IRF8: variants seen among roughly 807,000 people sequenced by gnomAD.
IRF8 encodes the protein interferon consensus sequence binding protein 1.
In IRF8, 14 loss-of-function variants were observed where a neutral mutation model predicts 48.7. That is an observed-to-expected ratio of 0.29 (90% confidence interval 0.19 to 0.45). The LOEUF (loss-of-function observed/expected upper bound fraction) is 0.45, where lower values mean the gene tolerates loss of function less well. IRF8 is among the 20% of genes least tolerant of loss of function. The probability of loss-of-function intolerance (pLI) is 1.00; values close to 1 mark genes in which losing one functional copy is unlikely to be tolerated. For missense variants in IRF8, 493 were observed against 580.7 expected (o/e 0.85, Z 1.55); for synonymous variants, 278 against 227.3 (o/e 1.22, Z -2.01).
chr16:85,920,035 C>T (rs1905486087), intron 7 of IRF8, 74 bp from the exon 8 acceptor site: 1 of 1,090,288 alleles, frequency 9.2e-7, no homozygotes, highest in East Asian at 2.5e-5. Context: ...TCCTGATCCC[C>T]CAGCCCTGCT....
chr16:85,913,437 C>A, intron 5 of IRF8: 1 of 602,834 alleles, frequency 1.7e-6, no homozygotes, highest in Non-Finnish European at 3.0e-6. Context: ...TGGCCCTGCT[C>A]TCCGCTGCTT....
intron 2 of IRF8, 109 bp downstream of exon 2, chr16:85,903,298 G>A (rs1002215216): frequency 8.0e-6 from 9 of 1,123,852 alleles, no homozygotes; most frequent in African/African-American, 3.1e-5. Flanking sequence ...AATTAATCCA[G>A]TTTTTTAAAA....
At position 85,914,491 on chromosome 16, in the gene IRF8, G is replaced by C; in HGVS notation, c.572G>C (p.Gly191Ala). ...QPSTGVPLVTGYTTYDAHHSA... is the reference protein window; with the variant it reads ...QPSTGVPLVTAYTTYDAHHSA... The stretch of plus-strand genomic sequence containing the variant: ...CCTGCAGGCGTGCCGCTGGTGACGG[G>C]GTACACCACCTACGACGCGCACCAT... Residue 191 changes from glycine to alanine, a missense_variant, in exon 6 of 9, where the codon GGG becomes GCG. Transcript: ENST00000268638. 6.2e-7 allele frequency: 1 copy of C among 1,614,130 alleles called. No individual in the cohort carries two copies. Among genetic ancestry groups the C allele is most frequent in the Non-Finnish European group, 8.5e-7 (1 of 1,180,016 alleles).
chr16:85,911,912 G>A (rs545618635), intron 4 of IRF8, among the ~76,000 whole-genome samples: 3 of 152,352 alleles, frequency 2.0e-5, no homozygotes, highest in African/African-American at 4.8e-5. Flanking sequence ...CTGAGCTGCC[G>A]GTTATGTGTC....
chr16:85,907,920 G>C (rs1905050661), intron 2 of IRF8, among the ~76,000 whole-genome samples: 1 of 152,192 alleles, frequency 6.6e-6, no homozygotes, highest in East Asian at 1.9e-4. Flanking sequence ...GTGGCCTTGG[G>C]AAAGTTACTT....
At chr16:85,902,803 C>T (rs1205220380) in intron 1 of IRF8, 5 of 471,872 alleles carry the variant, frequency 1.1e-5, no homozygotes, top group East Asian at 4.4e-5. Context: ...AGGTTTCCCA[C>T]GGAGCTTTCA....
Position 85,909,189 on chromosome 16 carries a change from G to C in IRF8, c.358+16G>C, listed in dbSNP as rs1253190595. 2.5e-6 allele frequency: 4 copies of C among 1,612,522 alleles called. No homozygotes were observed. Among genetic ancestry groups the C allele is most frequent in the Non-Finnish European group, 3.4e-6 (4 of 1,178,798 alleles). On this transcript the variant is annotated intron_variant, in intron 3 of 8. Coordinates refer to ENST00000268638, the MANE Select transcript of IRF8 (RefSeq NM_002163.4). ...GAGCAAAAATGTAACTATCCTTTAT[G>C]GGCATGAAACCTTCCAGAAGCTGCC...
chr16:85,911,911 C>T (rs1209206008), intron 4 of IRF8, among the ~76,000 whole-genome samples: 2 of 152,218 alleles, frequency 1.3e-5, no homozygotes, highest in Non-Finnish European at 2.9e-5. Flanking sequence ...CCTGAGCTGC[C>T]GGTTATGTGT....
chr16:85,915,307 A>T (rs1905268141), intron 6 of IRF8, among the ~76,000 whole-genome samples: 1 of 152,180 alleles, frequency 6.6e-6, no homozygotes, highest in African/African-American at 2.4e-5. Context: ...GTTCTGTGGG[A>T]GGCGAGCAGC....
chr16:85,902,626 A>C, intron 1 of IRF8: 1 of 303,368 alleles, frequency 3.3e-6, no homozygotes. Flanking sequence ...CTGCTCAGTG[A>C]AGGAACCTGG....
At chr16:85,903,414 G>A in intron 2 of IRF8, 1 of 557,946 alleles carries the variant, frequency 1.8e-6, no homozygotes, top group South Asian at 2.1e-5. Context: ...GTATTCTGAT[G>A]AGGAGATCGA....
Position 85,914,279 on chromosome 16 carries a change from T to C in IRF8, c.554-194T>C, listed in dbSNP as rs529028791. On this transcript the variant is annotated intron_variant, in intron 5 of 8. Transcript: ENST00000268638. Reference sequence around the variant, plus strand: ...TCCCCCCGACTTGCCACTCTGGTTTTCTGCATTTGTGAAACAATGGCTCTC... The same window carrying C: ...TCCCCCCGACTTGCCACTCTGGTTTCCTGCATTTGTGAAACAATGGCTCTC... The C allele has an allele frequency of 7.2e-4, 467 of 651,012 alleles. 3 individuals carry two copies. In the African/African-American group the frequency reaches 7.7e-3, roughly 11 times the overall value. The allele number at this position is 651,012 out of a possible 1,614,324, so 40.3% of individuals were successfully genotyped here.
intron 3 of IRF8, chr16:85,909,696 TC>T (rs1160680392): frequency 1.8e-5 from 3 of 168,486 alleles, no homozygotes; most frequent in African/African-American, 7.2e-5. Flanking sequence ...AGCTCTCAAA[TC>T]CCAAGAAAGC....
At chr16:85,907,507 G>A (rs1298422649) in intron 2 of IRF8, among the ~76,000 whole-genome samples, 1 of 152,068 alleles carries the variant, frequency 6.6e-6, no homozygotes, top group Non-Finnish European at 1.5e-5. Flanking sequence ...GTGAAACCTC[G>A]TCTGTACTAA....
intron 5 of IRF8, 73 bp downstream of exon 5, chr16:85,913,309 G>A (rs763650411): frequency 1.5e-4 from 156 of 1,061,848 alleles, no homozygotes; most frequent in Admixed American, 3.6e-4. Flanking sequence ...AGCCAGGGAC[G>A]GAGTGGGGGT....
At chr16:85,919,732 A>G (rs762144976) in intron 7 of IRF8, among the ~76,000 whole-genome samples, 8 of 152,162 alleles carry the variant, frequency 5.3e-5, no homozygotes, top group Non-Finnish European at 1.2e-4. Context: ...AGACCCTTTC[A>G]GTTGGCTGTC....
chr16:85,917,248 G>A lies in IRF8; in HGVS notation c.602-1169G>A, dbSNP rs559597325. Among the ~76,000 whole-genome samples, 16 of 152,320 alleles carry A rather than the reference G, an allele frequency of 1.1e-4. No individual in the cohort carries two copies. In the South Asian group the frequency reaches 3.3e-3, roughly 32 times the overall value. On this transcript the variant is annotated intron_variant, in intron 6 of 8. Coordinates refer to ENST00000268638, the MANE Select transcript of IRF8 (RefSeq NM_002163.4). ...CAAGGCAGCCTCGAACCGGTCTGGG[G>A]TACTTAGAAGGAGCTGCAAACTCAC...
chr16:85,921,362 A>T lies in IRF8; in HGVS notation c.*80A>T. ...CAGTGGCCCGCATCATGATTAAAGA[A>T]TGTGGATCCCTCTGTCTGGGGTGGG... On this transcript the variant is annotated 3_prime_UTR_variant, in exon 9 of 9. Transcript: ENST00000268638. The T allele has an allele frequency of 6.9e-7, 1 of 1,449,026 alleles. No individual in the cohort carries two copies. Among genetic ancestry groups the T allele is most frequent in the Non-Finnish European group, 9.6e-7 (1 of 1,039,838 alleles). 89.8% of individuals were successfully genotyped at this position (1,449,026 alleles called of 1,614,324 possible).
rs550350664 is a variant in IRF8, at chr16:85,902,306, G to A, written c.-1-709G>A. Among the ~76,000 whole-genome samples the A allele has an allele frequency of 2.6e-5, 4 of 152,292 alleles. No homozygotes were observed. The East Asian group carries it at 5.8e-4, about 22-fold the overall frequency. ...CCAGGCCCTGTCTCAGTTGCTTTCC[G>A]TGTAGCATCTGAATTCTCTTACAAC... On this transcript the variant is annotated intron_variant, in intron 1 of 8. Coordinates refer to ENST00000268638, the MANE Select transcript of IRF8 (RefSeq NM_002163.4).
Sources: gnomAD v4.1 joint callset for allele counts (sites outside exome capture counted in the v4.1 genomes callset) on GRCh38, gnomAD v4.1.1 for gene constraint, MANE v1.5 for transcripts, NCBI Gene and HGNC (gene_info 2026-07-23, HGNC 2026-07-21) for gene names.